VWA5B2: variants seen among roughly 807,000 people sequenced by gnomAD.
VWA5B2 encodes von Willebrand factor A domain-containing protein 5B2.
In VWA5B2, 93 loss-of-function variants were observed where a neutral mutation model predicts 118.5. The ratio of observed to expected loss-of-function variants is 0.79; its 90% CI spans 0.66 to 0.93. The LOEUF is 0.93. VWA5B2 is among the 40% of genes least tolerant of loss of function. VWA5B2 has a pLI of 0.00. For missense variants in VWA5B2, 1,546 were observed against 1,672.8 expected (o/e 0.92, Z 1.32); for synonymous variants, 708 against 716.3 (o/e 0.99, Z 0.19).
At position 184,240,781 on chromosome 3, in the gene VWA5B2, G is replaced by T; in HGVS notation, c.2741-10G>T. On this transcript the variant is annotated splice_polypyrimidine_tract_variant and intron_variant, in intron 16 of 19. Coordinates refer to ENST00000691901, the MANE Select transcript of VWA5B2 (RefSeq NM_001390846.1). ...GTGGGGGCTCCACAGACTGCTCCTT[G>T]GTTCCACAGGCCATGCCCGGAGGTG... 1 of 1,550,204 alleles carries T rather than the reference G, an allele frequency of 6.5e-7. No homozygotes were observed. Among genetic ancestry groups the T allele is most frequent in the East Asian group, 2.4e-5 (1 of 40,924 alleles).
At position 184,235,201 on chromosome 3, in the gene VWA5B2, G is replaced by C; in HGVS notation, c.994G>C (p.Val332Leu). The change falls in exon 8 of 20, where the codon GTG (valine) becomes CTG (leucine). Residue 332 changes from valine to leucine, a missense_variant. Coordinates refer to ENST00000691901, the MANE Select transcript of VWA5B2 (RefSeq NM_001390846.1). The part of the protein sequence containing the change: ...RFHKDILLNP[V>L]LALSFCPDLS... The stretch of plus-strand genomic sequence containing the variant: ...CCACAAGGACATCCTGCTGAACCCC[G>C]TGCTGGCGCTGAGCTTCTGCCCAGA... 6.4e-7 allele frequency: 1 copy of C among 1,551,724 alleles called. No homozygotes were observed. The highest frequency in any genetic ancestry group is 8.7e-7 in the Non-Finnish European group (1 of 1,146,986).
rs1718195609 is a variant in VWA5B2 at position 184,238,150 on chromosome 3, C to T, written c.1720-153C>T. 6.6e-6 allele frequency among the ~76,000 whole-genome samples: 1 copy of T among 152,080 alleles called. No individual in the cohort carries two copies. The highest frequency in any genetic ancestry group is 2.4e-5 in the African/African-American group (1 of 41,400). ...TTCCCAGCAGCTCTATTAACCCTTA[C>T]AGTGAACATGTCTGCTTCCTCCTTC... On this transcript the variant is annotated intron_variant, in intron 12 of 19. Coordinates refer to ENST00000691901, the MANE Select transcript of VWA5B2 (RefSeq NM_001390846.1). This position sits in a 1 kb window ranked among gnomAD's most constrained non-coding sequence, Gnocchi z 5.0.
rs1417919427 is a variant in VWA5B2, at chr3:184,238,168, C to T, written c.1720-135C>T. 1.1e-5 allele frequency: 8 copies of T among 720,314 alleles called. No homozygotes were observed. Among genetic ancestry groups the T allele is most frequent in the African/African-American group, 1.1e-4 (6 of 55,358 alleles). The allele number at this position is 720,314 out of a possible 1,614,324, so 44.6% of individuals were successfully genotyped here. On this transcript the variant is annotated intron_variant, in intron 12 of 19. Transcript: ENST00000691901. The surrounding 1 kb of genome is among the most constrained non-coding windows in gnomAD (Gnocchi z 5.0). Reference sequence around the variant, plus strand: ...ACCCTTACAGTGAACATGTCTGCTTCCTCCTTCTTTAGTACTGGTCTTTTG... The same window carrying T: ...ACCCTTACAGTGAACATGTCTGCTTTCTCCTTCTTTAGTACTGGTCTTTTG...
intron 5 of VWA5B2, among the ~76,000 whole-genome samples, chr3:184,234,045 A>C (rs565587114): frequency 9.8e-5 from 15 of 152,328 alleles, no homozygotes; most frequent in Non-Finnish European, 1.5e-4. Context: ...GGTGAATGCT[A>C]AATCAGCACC....
rs545156262 is a variant in VWA5B2, at chr3:184,233,208, G to T, written c.341G>T (p.Arg114Leu). ...GHLVLDLAQARSTLVLPTGII... is the reference protein window; with the variant it reads ...GHLVLDLAQALSTLVLPTGII... ...CTTGTCTTGGATCTGGCCCAGGCCC[G>T]GTCCACGTTGGTGCTGCCCACAGGC... is the stretch of plus-strand genomic sequence containing the variant. Residue 114 changes from arginine to leucine, a missense_variant, in exon 4 of 20, where the codon CGG becomes CTG. Transcript: ENST00000691901. This position sits in a 1 kb window ranked among gnomAD's most constrained non-coding sequence, Gnocchi z 5.2. 1 of 1,550,922 alleles carries T rather than the reference G, an allele frequency of 6.4e-7. No homozygotes were observed.
intron 1 of VWA5B2, among the ~76,000 whole-genome samples, chr3:184,229,966 C>T (rs947829262): frequency 2.6e-5 from 4 of 152,202 alleles, no homozygotes; most frequent in African/African-American, 7.2e-5. Flanking sequence ...CCGGCCAGCA[C>T]CCCCGTCGGA....
chr3:184,231,705 A>C (rs1717417281), intron 3 of VWA5B2, among the ~76,000 whole-genome samples: 2 of 152,242 alleles, frequency 1.3e-5, no homozygotes. Flanking sequence ...AAGGGACAGA[A>C]GCCCAGCCCT....
Position 184,240,847 on chromosome 3 carries a change from C to G in VWA5B2, c.2797C>G (p.Pro933Ala), listed in dbSNP as rs961848116. Residue 933 changes from proline (P) to alanine (A), a missense_variant, in exon 17 of 20, where the codon CCC (proline) becomes GCC (alanine). Physicochemically the swap from Pro to Ala is conservative, Grantham distance 27. Transcript: ENST00000691901. ...TCAGACAAGTAAGGTCAGCTCTGCC[C>G]CCTCCTGCTTCACTTGCCCTGTAGC... is the stretch of plus-strand genomic sequence containing the variant. Reference protein sequence around the residue: ...ALQTSKVSSAPSCFTCPVAVD... With the variant: ...ALQTSKVSSAASCFTCPVAVD... The G allele has an allele frequency of 6.4e-7, 1 of 1,551,586 alleles. No individual in the cohort carries two copies. Among genetic ancestry groups the G allele is most frequent in the African/African-American group, 1.4e-5 (1 of 73,054 alleles).
intron 16 of VWA5B2, 39 bp from the exon 17 acceptor site, chr3:184,240,752 G>A: frequency 6.5e-7 from 1 of 1,546,320 alleles, no homozygotes; most frequent in Non-Finnish European, 8.7e-7. Context: ...GTAGAGGGTG[G>A]GTGGTGGGGG....
In VWA5B2 at chr3:184,236,417, T is replaced by C. The variant is rs1220064501; in HGVS notation, c.1287T>C (p.Ala429=). ...GTGGGCCCCCAGACGTGCTGGCTGCTCTGGACTGGGCCGTGGGGCAGCCCC... is the reference window on the plus strand; with the variant it reads ...GTGGGCCCCCAGACGTGCTGGCTGCCCTGGACTGGGCCGTGGGGCAGCCCC... The part of the protein sequence containing the change: ...VPSGPPDVLA[A]LDWAVGQPQH... The change falls in exon 10 of 20, where the codon GCT becomes GCC. Residue 429 remains alanine, a synonymous_variant. Transcript: ENST00000691901. 1 of 1,547,272 alleles carries C rather than the reference T, an allele frequency of 6.5e-7. No homozygotes were observed. Among genetic ancestry groups the C allele is most frequent in the Non-Finnish European group, 8.7e-7 (1 of 1,146,284 alleles).
chr3:184,230,473 G>C lies in VWA5B2; in HGVS notation c.-56G>C. The C allele has an allele frequency of 2.2e-6, 3 of 1,387,894 alleles. No homozygotes were observed. Among genetic ancestry groups the C allele is most frequent in the Non-Finnish European group, 2.8e-6 (3 of 1,080,786 alleles). 86.0% of individuals were successfully genotyped at this position (1,387,894 alleles called of 1,614,324 possible). A position where few individuals can be genotyped will look rare whatever the true frequency, so the allele number is the denominator to read the frequency against. On this transcript the variant is annotated 5_prime_UTR_variant, in exon 2 of 20. Coordinates refer to ENST00000691901, the MANE Select transcript of VWA5B2 (RefSeq NM_001390846.1). The stretch of plus-strand genomic sequence containing the variant: ...CTCTGGAGCGCGGGGTGGGCGTCCC[G>C]TCACCCTGCGCCCAGCTTCCCCGGC...
intron 7 of VWA5B2, 97 bp downstream of exon 7, chr3:184,234,852 C>T (rs1560152434): frequency 2.0e-6 from 3 of 1,494,932 alleles, no homozygotes; most frequent in Non-Finnish European, 2.7e-6. Flanking sequence ...TGCGGGGAGG[C>T]CTCTTTTCTC....
intron 16 of VWA5B2, chr3:184,240,512 T>A: frequency 2.0e-6 from 1 of 503,784 alleles, no homozygotes; most frequent in South Asian, 3.3e-5. Flanking sequence ...CAGAAGCAGG[T>A]GGAGGAAAAT....
In VWA5B2 at chr3:184,238,346, C is replaced by T; in HGVS notation, c.1763C>T (p.Pro588Leu). The part of the protein sequence containing the change: ...GWQSSGGSVF[P>L]SPEEAPSAAS... Reference sequence around the variant, plus strand: ...CAGAGCTCGGGTGGGTCCGTGTTTCCATCCCCAGAAGAGGCCCCGTCTGCT... The same window carrying T: ...CAGAGCTCGGGTGGGTCCGTGTTTCTATCCCCAGAAGAGGCCCCGTCTGCT... The change falls in exon 13 of 20, where the codon CCA (proline) becomes CTA (leucine). Residue 588 changes from proline to leucine, a missense_variant. Transcript: ENST00000691901. The surrounding 1 kb of genome is among the most constrained non-coding windows in gnomAD (Gnocchi z 5.0). 1.9e-6 allele frequency: 3 copies of T among 1,548,346 alleles called. No individual in the cohort carries two copies. The highest frequency in any genetic ancestry group is 2.7e-5 in the African/African-American group (2 of 73,140).
At chr3:184,230,312 C>A in intron 1 of VWA5B2, 68 bp from the exon 2 acceptor site, 1 of 503,360 alleles carries the variant, frequency 2.0e-6, no homozygotes, top group Non-Finnish European at 3.3e-6. Flanking sequence ...CCAGGTAACG[C>A]GTGAGGATGC....
In VWA5B2 at chr3:184,233,205, C is replaced by T. The variant is rs1223115068; in HGVS notation, c.338C>T (p.Ala113Val). Residue 113 changes from alanine (A) to valine (V), a missense_variant, in exon 4 of 20, where the codon GCC becomes GTC. Transcript: ENST00000691901. The surrounding 1 kb of genome is among the most constrained non-coding windows in gnomAD (Gnocchi z 5.2). ...QGHLVLDLAQARSTLVLPTGI... is the reference protein window; with the variant it reads ...QGHLVLDLAQVRSTLVLPTGI... ...CATCTTGTCTTGGATCTGGCCCAGGCCCGGTCCACGTTGGTGCTGCCCACA... is the reference window on the plus strand; with the variant it reads ...CATCTTGTCTTGGATCTGGCCCAGGTCCGGTCCACGTTGGTGCTGCCCACA... 1 of 1,550,958 alleles carries T rather than the reference C, an allele frequency of 6.4e-7. No individual in the cohort carries two copies. Among genetic ancestry groups the T allele is most frequent in the Non-Finnish European group, 8.7e-7 (1 of 1,146,860 alleles).
chr3:184,235,340 G>A, intron 8 of VWA5B2, 32 bp downstream of exon 8: 1 of 1,544,504 alleles, frequency 6.5e-7, no homozygotes, highest in Non-Finnish European at 8.8e-7. Context: ...GCAGGCCTGG[G>A]GGTTGGGTGG....
intron 16 of VWA5B2, 66 bp downstream of exon 16, chr3:184,240,102 TG>T: frequency 7.8e-7 from 1 of 1,288,256 alleles, no homozygotes; most frequent in South Asian, 1.6e-5. Flanking sequence ...GGTAGAGGTC[TG>T]TGTGTTTGAT....
At position 184,236,455 on chromosome 3, in the gene VWA5B2, AC is replaced by A; in HGVS notation, c.1328del (p.Pro443LeufsTer24). On this transcript the variant is annotated frameshift_variant, in exon 10 of 20. Coordinates refer to ENST00000691901, the MANE Select transcript of VWA5B2 (RefSeq NM_001390846.1). LOFTEE classifies it high-confidence loss of function. ...GTGGGGCAGCCCCAGCACAGGGCCT[AC>A]CCTCGGCAGCTGTTCCTGCTCACTG... ...WAVGQPQHRA[Y>X]PRQLFLLTAA... 1 of 1,546,362 alleles carries A rather than the reference AC, an allele frequency of 6.5e-7. No individual in the cohort carries two copies. The highest frequency in any genetic ancestry group is 8.7e-7 in the Non-Finnish European group (1 of 1,146,916).
Sources: gnomAD v4.1 joint callset for allele counts (sites outside exome capture counted in the v4.1 genomes callset) on GRCh38, gnomAD v4.1.1 for gene constraint, Gnocchi (gnomAD v3.1) non-coding constraint, MANE v1.5 for transcripts, NCBI Gene and HGNC (gene_info 2026-07-23, HGNC 2026-07-21) for gene names.